Variants in TYW1 observed in about 807,000 individuals in gnomAD.
TYW1 encodes the protein tRNA-yW synthesizing protein 1 homolog.
Under a neutral mutation model 96.2 loss-of-function variants are expected in TYW1, and 46 were observed. That is an observed-to-expected ratio of 0.48 (90% CI 0.38 to 0.61). TYW1 has a LOEUF of 0.61. TYW1 is among the 20% of genes least tolerant of loss of function. The pLI, the probability that TYW1 is intolerant of heterozygous loss-of-function variation, is 0.00. For missense variants in TYW1, 684 were observed against 909.6 expected, an observed-to-expected ratio of 0.75 and a Z score of 3.19; for synonymous variants, 274 against 323.0, an observed-to-expected ratio of 0.85 and a Z score of 1.63.
chr7:67,017,751 C>T, intron 5 of TYW1, 102 bp from the exon 6 acceptor site: 3 of 1,483,068 alleles, frequency 2.0e-6, no homozygotes, highest in Non-Finnish European at 2.7e-6. Flanking sequence ...AGCGGCAGCC[C>T]ATGACCAGGG....
At chr7:67,132,580 T>G (rs1798115861) in intron 13 of TYW1, among the ~76,000 whole-genome samples, 1 of 152,184 alleles carries the variant, frequency 6.6e-6, no homozygotes, top group Admixed American at 6.5e-5. Flanking sequence ...TTTTTACCAT[T>G]TTAAAGTGTA....
At chr7:67,038,568 T>C (rs1794910246) in intron 7 of TYW1, among the ~76,000 whole-genome samples, 1 of 152,004 alleles carries the variant, frequency 6.6e-6, no homozygotes, top group South Asian at 2.1e-4. Flanking sequence ...ATCGCACCAC[T>C]GCACTCCAGC....
chr7:67,118,493 C>T (rs6949990), intron 13 of TYW1, among the ~76,000 whole-genome samples: 41,817 of 151,584 alleles, frequency 0.28, 6,602 homozygotes, highest in African/African-American at 0.43. Context: ...ATTTGTGTGA[C>T]TTTTAATTGT....
At chr7:67,191,366 G>A (rs968391603) in intron 14 of TYW1, among the ~76,000 whole-genome samples, 10 of 152,150 alleles carry the variant, frequency 6.6e-5, no homozygotes, top group African/African-American at 2.2e-4. Flanking sequence ...CAAACTCAAG[G>A]ATGCATAAAT....
At chr7:67,179,073 A>G in intron 13 of TYW1, among the ~76,000 whole-genome samples, 1 of 141,240 alleles carries the variant, frequency 7.1e-6, no homozygotes, top group Non-Finnish European at 1.5e-5. Flanking sequence ...AGCTCCTTGC[A>G]GAGCAGGGCT....
intron 10 of TYW1, among the ~76,000 whole-genome samples, chr7:67,080,418 T>TTA (rs59614514): frequency 6.6e-6 from 1 of 151,308 alleles, no homozygotes; most frequent in African/African-American, 2.4e-5. Flanking sequence ...TTTTTTTTTT[T>TTA]AATTTGAGAT....
intron 3 of TYW1, among the ~76,000 whole-genome samples, chr7:67,009,013 T>C (rs913192634): frequency 6.6e-6 from 1 of 152,134 alleles, no homozygotes; most frequent in Non-Finnish European, 1.5e-5. Flanking sequence ...TTTTTTAATA[T>C]GTTATTTTCT....
intron 13 of TYW1, among the ~76,000 whole-genome samples, chr7:67,147,180 A>T (rs1290086027): frequency 6.6e-6 from 1 of 152,238 alleles, no homozygotes; most frequent in African/African-American, 2.4e-5. Flanking sequence ...AGAAAAAAAT[A>T]ACAATACAAC....
At chr7:66,999,072 CTTCTTTA>C (rs1793291916) in intron 3 of TYW1, 118 bp downstream of exon 3, 1 of 1,016,294 alleles carries the variant, frequency 9.8e-7, no homozygotes, top group South Asian at 1.4e-5. Flanking sequence ...GTCATCTAAC[CTTCTTTA>C]TTCTTTCTCC....
intron 13 of TYW1, among the ~76,000 whole-genome samples, chr7:67,155,950 A>T (rs1798956897): frequency 6.6e-6 from 1 of 151,522 alleles, no homozygotes; most frequent in African/African-American, 2.4e-5. Flanking sequence ...TAGTCTTTTT[A>T]TGACTTTTTT....
At chr7:67,097,408 G>T (rs923950391) in intron 11 of TYW1, among the ~76,000 whole-genome samples, 28 of 152,022 alleles carry the variant, frequency 1.8e-4, no homozygotes, top group Admixed American at 1.1e-3. Context: ...AGTATTTTTG[G>T]TTTTTTTGGA....
intron 13 of TYW1, among the ~76,000 whole-genome samples, chr7:67,147,101 C>G (rs1347117027): frequency 1.3e-5 from 2 of 152,174 alleles, no homozygotes; most frequent in African/African-American, 2.4e-5. Context: ...TTTAGCAGAG[C>G]AGAGTCAGCC....
At chr7:67,050,139 C>A in intron 8 of TYW1, 73 bp downstream of exon 8, 4 of 1,543,886 alleles carry the variant, frequency 2.6e-6, no homozygotes, top group Non-Finnish European at 3.6e-6. Flanking sequence ...GGAATGAAGT[C>A]TCTCTCTAAT....
intron 12 of TYW1, among the ~76,000 whole-genome samples, chr7:67,101,123 CCT>C (rs1797075901): frequency 1.3e-5 from 2 of 152,082 alleles, no homozygotes; most frequent in African/African-American, 4.8e-5. Flanking sequence ...CAGGCATACC[CCT>C]GAGTCTGCTT....
intron 7 of TYW1, among the ~76,000 whole-genome samples, chr7:67,026,503 A>G (rs1794459672): frequency 6.6e-6 from 1 of 152,110 alleles, no homozygotes; most frequent in African/African-American, 2.4e-5. Flanking sequence ...GTGACTCAGA[A>G]TGGTAAAGAT....
At chr7:67,075,524 G>A (rs1369191790) in intron 10 of TYW1, among the ~76,000 whole-genome samples, 1 of 152,178 alleles carries the variant, frequency 6.6e-6, no homozygotes, top group Non-Finnish European at 1.5e-5. Context: ...TCCATTCCAA[G>A]GAATGTCATC....
intron 8 of TYW1, among the ~76,000 whole-genome samples, chr7:67,053,624 C>A (rs1327215854): frequency 1.3e-5 from 2 of 152,174 alleles, no homozygotes; most frequent in East Asian, 3.8e-4. Flanking sequence ...AGGTGATCCA[C>A]CCGCCTTGGC....
intron 13 of TYW1, among the ~76,000 whole-genome samples, chr7:67,150,306 C>T (rs1798756344): frequency 1.3e-5 from 2 of 152,046 alleles, no homozygotes; most frequent in South Asian, 4.1e-4. Context: ...GCAGAGTCCA[C>T]AACAAACACA....
At chr7:67,128,116 G>A (rs140025715) in intron 13 of TYW1, among the ~76,000 whole-genome samples, 7 of 152,174 alleles carry the variant, frequency 4.6e-5, no homozygotes, top group East Asian at 1.9e-4. Flanking sequence ...GTGATTATTC[G>A]TTCAAATACT....
Sources: gnomAD v4.1 joint callset for allele counts (sites outside exome capture counted in the v4.1 genomes callset) on GRCh38, gnomAD v4.1.1 for gene constraint, MANE v1.5 for transcripts, NCBI Gene and HGNC (gene_info 2026-07-23, HGNC 2026-07-21) for gene names.